ARHGEF25: variants seen among roughly 807,000 people sequenced by gnomAD.
ARHGEF25 encodes the protein Rho guanine nucleotide exchange factor 25.
Under a neutral mutation model 74.0 loss-of-function variants are expected in ARHGEF25, and 42 were observed. The observed-to-expected ratio is 0.57, with a 90% CI of 0.44 to 0.73. The LOEUF (loss-of-function observed/expected upper bound fraction) is 0.73, where lower values mean the gene tolerates loss of function less well. Ranked by LOEUF, ARHGEF25 falls within the 30% of genes least tolerant of loss-of-function variation. The pLI is 0.00. For synonymous variants in ARHGEF25, 293 were observed against 278.6 expected (o/e 1.05, Z -0.51); for missense variants, 645 against 725.5 (o/e 0.89, Z 1.27).
intron 10 of ARHGEF25, 75 bp from the exon 11 acceptor site, chr12:57,615,161 CA>C: frequency 6.4e-7 from 1 of 1,558,662 alleles, no homozygotes; most frequent in Non-Finnish European, 8.7e-7. Context: ...TCTGAAGAGG[CA>C]ACTGGCCGAG....
upstream of ARHGEF25, chr12:57,610,178 C>T (rs748303303): frequency 3.0e-6 from 4 of 1,316,940 alleles, no homozygotes; most frequent in Non-Finnish European, 4.3e-6. Context: ...CTTCAGTGCC[C>T]CCTCGACCCT....
rs913658142 is a variant in ARHGEF25 at position 57,613,064 on chromosome 12, C to T, written c.232C>T (p.Leu78=). 1.9e-6 allele frequency: 3 copies of T among 1,614,052 alleles called. No individual in the cohort carries two copies. The highest frequency in any genetic ancestry group is 3.3e-5 in the Admixed American group (2 of 60,004). Residue 78 remains leucine, a synonymous_variant, in exon 2 of 15, where the codon CTG becomes TTG. Transcript: ENST00000286494. ...AGGCCCCCCAGGGCCCGTCAGTGGCCTGAGGAGATGGTTGGATCATTCCAA... is the reference window on the plus strand; with the variant it reads ...AGGCCCCCCAGGGCCCGTCAGTGGCTTGAGGAGATGGTTGGATCATTCCAA... ...SPGPPGPVSG[L]RRWLDHSKHC... is the part of the protein sequence containing the mutation.
Position 57,616,890 on chromosome 12 carries a change from T to TGTAACTG in ARHGEF25, c.1742_*5dup. On this transcript the variant is annotated stop_gained and frameshift_variant, in exon 15 of 15. Coordinates refer to ENST00000286494, the MANE Select transcript of ARHGEF25 (RefSeq NM_182947.4). LOFTEE classifies it high-confidence loss of function. ...CTTGCCAAGCTGGATGAAGATGAGC[T>TGTAACTG]GTAACTGGTGAAAACCATGGGGGTG... 6.2e-7 allele frequency: 1 copy of TGTAACTG among 1,613,362 alleles called. No homozygotes were observed. The highest frequency in any genetic ancestry group is 8.5e-7 in the Non-Finnish European group (1 of 1,179,412).
At position 57,615,724 on chromosome 12, in the gene ARHGEF25, G is replaced by A. The variant is rs1472416153; in HGVS notation, c.1239+12G>A. ...AGAACAGCATTAAGGTGGGGAGAAG[G>A]CCACGAGGGAGGGCTTGGAGAGAGA... On this transcript the variant is annotated intron_variant, in intron 12 of 14. Transcript: ENST00000286494. 6.2e-7 allele frequency: 1 copy of A among 1,614,168 alleles called. No homozygotes were observed. Among genetic ancestry groups the A allele is most frequent in the Admixed American group, 1.7e-5 (1 of 60,020 alleles).
In ARHGEF25 at chr12:57,616,340, C is replaced by A. The variant is rs756773745; in HGVS notation, c.1477C>A (p.Arg493=). 1.2e-6 allele frequency: 2 copies of A among 1,613,890 alleles called. No homozygotes were observed. The highest frequency in any genetic ancestry group is 8.5e-7 in the Non-Finnish European group (1 of 1,179,984). The change falls in exon 14 of 15, where the codon CGG becomes AGG. Residue 493 remains arginine (R), a synonymous_variant. Coordinates refer to ENST00000286494, the MANE Select transcript of ARHGEF25 (RefSeq NM_182947.4). ...GGAGAGCCAGACCAACAGCCTGGGG[C>A]GGCCAAGAGGGCCTGGAGTGGGGAG... is the stretch of plus-strand genomic sequence containing the variant. ...RRESQTNSLG[R]PRGPGVGSPG...
At chr12:57,613,671 G>A in intron 4 of ARHGEF25, 23 bp from the exon 5 acceptor site, 2 of 1,613,546 alleles carry the variant, frequency 1.2e-6, no homozygotes, top group Non-Finnish European at 1.7e-6. Flanking sequence ...TGAAGTGGGG[G>A]CCTCCTCCTG....
intron 12 of ARHGEF25, 39 bp from the exon 13 acceptor site, chr12:57,615,798 C>G (rs1243508957): frequency 6.2e-7 from 1 of 1,612,340 alleles, no homozygotes; most frequent in Non-Finnish European, 8.5e-7. Flanking sequence ...CAGGGAGGGC[C>G]TGAGGAATCT....
Position 57,614,878 on chromosome 12 carries a change from G to A in ARHGEF25, c.910-89G>A. On this transcript the variant is annotated intron_variant, in intron 9 of 14. Coordinates refer to ENST00000286494, the MANE Select transcript of ARHGEF25 (RefSeq NM_182947.4). This position sits in a 1 kb window ranked among gnomAD's most constrained non-coding sequence, Gnocchi z 4.6. ...CTTAGGGCTCCCCCAGACTTCCTGA[G>A]GGCCCTCACTGGTGTCCTCAGGGGA... 2 of 1,578,582 alleles carry A rather than the reference G, an allele frequency of 1.3e-6. No homozygotes were observed. The highest frequency in any genetic ancestry group is 1.1e-5 in the South Asian group (1 of 88,232).
chr12:57,613,604 TATG>T, intron 4 of ARHGEF25, 87 bp from the exon 5 acceptor site: 1 of 1,611,180 alleles, frequency 6.2e-7, no homozygotes, highest in Non-Finnish European at 8.5e-7. Flanking sequence ...CAAGGTTGGC[TATG>T]ATGATAAAGG....
upstream of ARHGEF25, chr12:57,610,585 C>T: frequency 6.2e-7 from 1 of 1,611,630 alleles, no homozygotes; most frequent in Non-Finnish European, 8.5e-7. Context: ...AAGGAGAAGC[C>T]CTCTAGGGTT....
Position 57,614,275 on chromosome 12 carries a change from C to A in ARHGEF25, c.657-56C>A. The A allele has an allele frequency of 1.9e-6, 3 of 1,601,032 alleles. No homozygotes were observed. The highest frequency in any genetic ancestry group is 1.1e-5 in the South Asian group (1 of 90,706). On this transcript the variant is annotated intron_variant, in intron 6 of 14. Coordinates refer to ENST00000286494, the MANE Select transcript of ARHGEF25 (RefSeq NM_182947.4). This position sits in a 1 kb window ranked among gnomAD's most constrained non-coding sequence, Gnocchi z 4.6. ...ACAGCTCGAAACTGCTGGGAGTGGG[C>A]GAGGTGGGGGTTGTGAAATGTATTT...
chr12:57,615,935 G>T lies in ARHGEF25; in HGVS notation c.1338G>T (p.Leu446=), dbSNP rs1319287146. The T allele has an allele frequency of 6.2e-7, 1 of 1,614,206 alleles. No individual in the cohort carries two copies. Among genetic ancestry groups the T allele is most frequent in the South Asian group, 1.1e-5 (1 of 91,088 alleles). The stretch of plus-strand genomic sequence containing the variant: ...AGGGTGGGATCCAGCGCTATGTCCT[G>T]CAGGCTGCAGACCCTGCTATCAGTC... ...GPEGGIQRYV[L]QAADPAISQA... The change falls in exon 13 of 15, where the codon CTG becomes CTT. Residue 446 remains leucine, a synonymous_variant. Transcript: ENST00000286494.
intron 5 of ARHGEF25, 21 bp downstream of exon 5, chr12:57,613,781 C>A (rs778511393): frequency 6.2e-7 from 1 of 1,612,504 alleles, no homozygotes; most frequent in East Asian, 2.2e-5. Context: ...TTACCCCTTC[C>A]CAGCCCCTCC....
rs1884058543 is a variant in ARHGEF25, at chr12:57,611,777, A to C, written c.-118A>C. The C allele has an allele frequency of 3.6e-6, 4 of 1,097,154 alleles. No individual in the cohort carries two copies. The highest frequency in any genetic ancestry group is 4.6e-6 in the Non-Finnish European group (4 of 874,822). 68.0% of individuals were successfully genotyped at this position (1,097,154 alleles called of 1,614,324 possible). On this transcript the variant is annotated 5_prime_UTR_variant, in exon 1 of 15. Transcript: ENST00000286494. This position sits in a 1 kb window ranked among gnomAD's most constrained non-coding sequence, Gnocchi z 4.5. Reference sequence around the variant, plus strand: ...GGTCCCCTCCCTCCCCCCCTCCCACAGCCTGGACCGGGGTAGGAGGGAGGG... The same window carrying C: ...GGTCCCCTCCCTCCCCCCCTCCCACCGCCTGGACCGGGGTAGGAGGGAGGG...
rs765026555 is a variant in ARHGEF25, at chr12:57,613,720, CAG to C, written c.516_517del (p.Lys173AsnfsTer30). The C allele has an allele frequency of 1.2e-6, 2 of 1,614,146 alleles. No homozygotes were observed. Among genetic ancestry groups the C allele is most frequent in the Non-Finnish European group, 1.7e-6 (2 of 1,180,006 alleles). The stretch of plus-strand genomic sequence containing the variant: ...TATGTCCTGAGTGAACTGGTAGAAA[CAG>C]AGAAAATGTACGTGGACGACTTGGG... On this transcript the variant is annotated frameshift_variant, in exon 5 of 15. Transcript: ENST00000286494. LOFTEE classifies it high-confidence loss of function.
chr12:57,614,672 C>G lies in ARHGEF25; in HGVS notation c.817-17C>G, dbSNP rs530278548. 6.5e-5 allele frequency: 105 copies of G among 1,613,484 alleles called. No homozygotes were observed. Among genetic ancestry groups the G allele is most frequent in the Non-Finnish European group, 8.8e-5 (104 of 1,179,900 alleles). On this transcript the variant is annotated splice_polypyrimidine_tract_variant and intron_variant, in intron 8 of 14. Transcript: ENST00000286494. This position sits in a 1 kb window ranked among gnomAD's most constrained non-coding sequence, Gnocchi z 4.6. Reference sequence around the variant, plus strand: ...GGGGCTTTCCAGGCTGCATAACCACCCTGTCCCTGTCCCCAGGAGCTCCGG... The same window carrying G: ...GGGGCTTTCCAGGCTGCATAACCACGCTGTCCCTGTCCCCAGGAGCTCCGG...
upstream of ARHGEF25, chr12:57,610,338 G>A: frequency 6.9e-7 from 1 of 1,439,118 alleles, no homozygotes; most frequent in Non-Finnish European, 9.3e-7. Flanking sequence ...GCTCGCGGTG[G>A]GGTCGGGGGT....
In ARHGEF25 at chr12:57,615,019, T is replaced by G. The variant is rs749187621; in HGVS notation, c.960+2T>G. On this transcript the variant is annotated splice_donor_variant, in intron 10 of 14. Transcript: ENST00000286494. LOFTEE classifies it high-confidence loss of function. ...GGGATGGATACTGCAGACCTAGAGG[T>G]GAGGACCCCAGATCTTCCAGGACAC... The G allele has an allele frequency of 1.2e-6, 2 of 1,613,994 alleles. No homozygotes were observed. Among genetic ancestry groups the G allele is most frequent in the Non-Finnish European group, 8.5e-7 (1 of 1,179,894 alleles).
In ARHGEF25 at chr12:57,611,802, G is replaced by C. The variant is rs906069017; in HGVS notation, c.-93G>C. The C allele has an allele frequency of 8.7e-7, 1 of 1,148,488 alleles. No homozygotes were observed. The highest frequency in any genetic ancestry group is 1.1e-6 in the Non-Finnish European group (1 of 914,694). 71.1% of individuals were successfully genotyped at this position (1,148,488 alleles called of 1,614,324 possible). ...AGCCTGGACCGGGGTAGGAGGGAGG[G>C]GGGGTGTGCGCCCGGCGCCGTCCCC... On this transcript the variant is annotated 5_prime_UTR_variant, in exon 1 of 15. Coordinates refer to ENST00000286494, the MANE Select transcript of ARHGEF25 (RefSeq NM_182947.4). This position sits in a 1 kb window ranked among gnomAD's most constrained non-coding sequence, Gnocchi z 4.5.
Sources: allele counts gnomAD v4.1 joint callset, GRCh38; gene constraint gnomAD v4.1.1; non-coding constraint Gnocchi (gnomAD v3.1); transcripts MANE v1.5; gene names NCBI Gene and HGNC (gene_info 2026-07-23, HGNC 2026-07-21).